The following NTM variants were observed in gnomAD, a reference collection of about 807,000 sequenced individuals.
NTM encodes IgLON family member 2.
Under a neutral mutation model 42.1 loss-of-function variants are expected in NTM, and 13 were observed. The ratio of observed to expected loss-of-function variants is 0.31; its 90% CI spans 0.20 to 0.49. The LOEUF (loss-of-function observed/expected upper bound fraction) is 0.49. Ranked by LOEUF, NTM falls within the 20% of genes least tolerant of loss-of-function variation. The probability of loss-of-function intolerance (pLI) is 0.99; values close to 1 mark genes in which losing one functional copy is unlikely to be tolerated. For synonymous variants in NTM, 187 were observed against 179.2 expected, an observed-to-expected ratio of 1.04 and a Z score of -0.35; for missense variants, 373 against 452.8, an observed-to-expected ratio of 0.82 and a Z score of 1.60.
At chr11:132,103,101 T>C (rs553570004) in intron 2 of NTM, among the ~76,000 whole-genome samples, 1 of 152,336 alleles carries the variant, frequency 6.6e-6, no homozygotes, top group Non-Finnish European at 1.5e-5. Context: ...CCATGCCTAT[T>C]GTGGAACCGC....
intron 2 of NTM, among the ~76,000 whole-genome samples, chr11:132,111,601 A>C (rs563079270): frequency 8.1e-4 from 124 of 152,314 alleles, no homozygotes; most frequent in African/African-American, 1.9e-3. Flanking sequence ...TCAGTGTCAC[A>C]GTATGCCCTG....
intron 2 of NTM, among the ~76,000 whole-genome samples, chr11:132,101,242 G>C (rs1448179778): frequency 1.3e-5 from 2 of 152,090 alleles, no homozygotes; most frequent in Non-Finnish European, 2.9e-5. Context: ...CCACCGCAGA[G>C]AGGCTGCTCA....
At chr11:132,134,363 G>A (rs118138207) in intron 2 of NTM, among the ~76,000 whole-genome samples, 1,971 of 152,060 alleles carry the variant, frequency 0.013, 14 homozygotes, top group Non-Finnish European at 0.021. Context: ...GTGGGGAACA[G>A]ATGGCATTTG....
chr11:131,506,363 CTT>C (rs2047493668), intron 1 of NTM, among the ~76,000 whole-genome samples: 1 of 152,158 alleles, frequency 6.6e-6, no homozygotes, highest in African/African-American at 2.4e-5. Flanking sequence ...GCCCGAATAT[CTT>C]TAATTCCTTC....
At chr11:131,910,824 G>A (rs1592764157) in intron 1 of NTM, 1 of 984,600 alleles carries the variant, frequency 1.0e-6, no homozygotes, top group Non-Finnish European at 1.2e-6. Context: ...AGCGGCGGCC[G>A]CAGCGCGCAT....
intron 4 of NTM, among the ~76,000 whole-genome samples, chr11:132,262,957 A>G (rs542222189): frequency 1.3e-5 from 2 of 152,350 alleles, no homozygotes; most frequent in East Asian, 3.9e-4. Flanking sequence ...TGGGACAGGA[A>G]TGGGGTAGGC....
intron 4 of NTM, among the ~76,000 whole-genome samples, chr11:132,297,128 C>T (rs539955518): frequency 1.3e-5 from 2 of 152,170 alleles, no homozygotes; most frequent in African/African-American, 4.8e-5. Context: ...CTGGTGTCTG[C>T]CCTCTCCATG....
chr11:132,089,192 A>T (rs2136381225), intron 2 of NTM, among the ~76,000 whole-genome samples: 1 of 152,328 alleles, frequency 6.6e-6, no homozygotes, highest in South Asian at 2.1e-4. Context: ...TGCTCTGAGG[A>T]TCCCAAGAAA....
At chr11:131,775,296 T>C (rs118097798) in intron 1 of NTM, among the ~76,000 whole-genome samples, 1,845 of 152,336 alleles carry the variant, frequency 0.012, 21 homozygotes, top group Middle Eastern at 0.02. Context: ...TACTTATTAG[T>C]TCATTTGTTT....
intron 2 of NTM, among the ~76,000 whole-genome samples, chr11:132,020,526 C>G (rs978330681): frequency 6.6e-6 from 1 of 151,878 alleles, no homozygotes; most frequent in Non-Finnish European, 1.5e-5. Flanking sequence ...AGTGGTAACT[C>G]TAATGAGTAT....
rs542264750 is a variant in NTM at position 131,908,905 on chromosome 11, T to C, written c.83-2659T>C. Among the ~76,000 whole-genome samples the C allele has an allele frequency of 3.3e-5, 5 of 152,340 alleles. No homozygotes were observed. The South Asian group carries it at 1.0e-3, about 32-fold the overall frequency. On this transcript the variant is annotated intron_variant, in intron 1 of 8. Transcript: ENST00000683400. ...ACAAAGATCTTCTGCTCCCCGCAGA[T>C]GTAATTGTTTATTCCTGATAGTAAA...
At chr11:132,034,150 A>G (rs1320079310) in intron 2 of NTM, among the ~76,000 whole-genome samples, 1 of 152,208 alleles carries the variant, frequency 6.6e-6, no homozygotes, top group African/African-American at 2.4e-5. Context: ...CACTTATTTC[A>G]GAATGAGAAA....
rs1189784433 is a variant in NTM at position 132,243,097 on chromosome 11, C to T, written c.526+30950C>T. ...GTGAGTACTCAACATCCAGGTCTAA[C>T]AGCTTCTAATTTAGGGAGGACATAT... On this transcript the variant is annotated intron_variant, in intron 4 of 8. Transcript: ENST00000683400. Among the ~76,000 whole-genome samples, 3 of 152,298 alleles carry T rather than the reference C, an allele frequency of 2.0e-5. No individual in the cohort carries two copies. In the East Asian group the frequency reaches 5.8e-4, roughly 29 times the overall value.
At chr11:131,774,356 G>T in intron 1 of NTM, among the ~76,000 whole-genome samples, 1 of 152,244 alleles carries the variant, frequency 6.6e-6, no homozygotes, top group Non-Finnish European at 1.5e-5. Context: ...ATCATTCACA[G>T]TAATCCTTGA....
chr11:131,620,268 C>T (rs1012251539), intron 1 of NTM, among the ~76,000 whole-genome samples: 1 of 152,178 alleles, frequency 6.6e-6, no homozygotes, highest in African/African-American at 2.4e-5. Flanking sequence ...CAAGGGTCTC[C>T]TCATGTCTAC....
chr11:131,468,717 A>G (rs968614404), intron 1 of NTM, among the ~76,000 whole-genome samples: 96 of 152,374 alleles, frequency 6.3e-4, no homozygotes, highest in African/African-American at 2.2e-3. Context: ...ACAGAGGAAG[A>G]GAGATTTGAG....
At chr11:131,937,885 T>TG (rs2059392387) in intron 2 of NTM, among the ~76,000 whole-genome samples, 1 of 152,194 alleles carries the variant, frequency 6.6e-6, no homozygotes, top group Non-Finnish European at 1.5e-5. Context: ...GATTCTTTCT[T>TG]TAGGTTGCAC....
intron 1 of NTM, among the ~76,000 whole-genome samples, chr11:131,689,263 C>G (rs910112915): frequency 6.6e-6 from 1 of 152,132 alleles, no homozygotes. Flanking sequence ...CACAGGTGGC[C>G]CGGCAGGGAA....
chr11:132,098,906 C>A (rs548396209), intron 2 of NTM, among the ~76,000 whole-genome samples: 1 of 152,338 alleles, frequency 6.6e-6, no homozygotes, highest in African/African-American at 2.4e-5. Flanking sequence ...TGATCACAAC[C>A]AGAGCAATGT....
Sources: allele counts gnomAD v4.1 joint callset (sites outside exome capture counted in the v4.1 genomes callset), GRCh38; gene constraint gnomAD v4.1.1; transcripts MANE v1.5; gene names NCBI Gene and HGNC (gene_info 2026-07-23, HGNC 2026-07-21).